The following THSD7A variants were observed in gnomAD, a reference collection of about 807,000 sequenced individuals.
The protein encoded by THSD7A is thrombospondin type-1 domain-containing protein 7A.
Under a neutral mutation model 231.3 loss-of-function variants are expected in THSD7A, and 96 were observed. The observed-to-expected ratio is 0.41, with a 90% CI of 0.35 to 0.49. The LOEUF (loss-of-function observed/expected upper bound fraction) is 0.49. THSD7A is among the 20% of genes least tolerant of loss of function. The pLI, the probability that THSD7A is intolerant of heterozygous loss-of-function variation, is 0.05. For missense variants in THSD7A, 2,290 were observed against 2,070.2 expected (o/e 1.11, Z -2.06); for synonymous variants, 940 against 743.3 (o/e 1.26, Z -4.30).
intron 1 of THSD7A, among the ~76,000 whole-genome samples, chr7:11,670,620 A>T (rs144832753): frequency 4.5e-4 from 69 of 152,332 alleles, no homozygotes; most frequent in Non-Finnish European, 8.5e-4. Context: ...TACCAAAGAC[A>T]TGATGGCTAA....
intron 4 of THSD7A, among the ~76,000 whole-genome samples, chr7:11,561,277 G>A (rs1443683861): frequency 6.6e-6 from 1 of 152,098 alleles, no homozygotes; most frequent in East Asian, 1.9e-4. Flanking sequence ...AATGAGGGTT[G>A]TTAATATAAT....
intron 2 of THSD7A, among the ~76,000 whole-genome samples, chr7:11,596,556 G>A (rs1048852502): frequency 3.9e-5 from 6 of 152,138 alleles, no homozygotes; most frequent in African/African-American, 1.4e-4. Flanking sequence ...AGGCCAAACG[G>A]AAGCCATTAG....
chr7:11,519,074 T>C (rs1562678842), intron 6 of THSD7A, among the ~76,000 whole-genome samples: 1 of 152,212 alleles, frequency 6.6e-6, no homozygotes, highest in Non-Finnish European at 1.5e-5. Flanking sequence ...TTCCATTTTC[T>C]AGATAAATGA....
At chr7:11,684,267 A>G (rs1696978929) in intron 1 of THSD7A, among the ~76,000 whole-genome samples, 1 of 151,998 alleles carries the variant, frequency 6.6e-6, no homozygotes. Context: ...ACAAACTCAC[A>G]GCAAATACCA....
At chr7:11,447,128 C>T in intron 12 of THSD7A, 102 bp downstream of exon 12, 1 of 1,057,746 alleles carries the variant, frequency 9.5e-7, no homozygotes, top group East Asian at 2.6e-5. Context: ...AATCCATTGG[C>T]ATATTATTTT....
chr7:11,740,541 C>G (rs927856016), intron 1 of THSD7A, among the ~76,000 whole-genome samples: 29 of 151,940 alleles, frequency 1.9e-4, no homozygotes, highest in African/African-American at 6.5e-4. Context: ...TGCTGAGCTT[C>G]TTTTCCCCCT....
chr7:11,698,383 T>C (rs1780467154), intron 1 of THSD7A, among the ~76,000 whole-genome samples: 1 of 151,334 alleles, frequency 6.6e-6, no homozygotes, highest in Admixed American at 6.6e-5. Context: ...GGTATTTCAT[T>C]TCAGCTTTCA....
chr7:11,701,010 C>G (rs1780581689), intron 1 of THSD7A, among the ~76,000 whole-genome samples: 1 of 151,084 alleles, frequency 6.6e-6, no homozygotes, highest in African/African-American at 2.4e-5. Flanking sequence ...TCTTTGTATA[C>G]TAGTTTAAAA....
chr7:11,570,439 CTT>C (rs780056796), intron 4 of THSD7A, among the ~76,000 whole-genome samples: 4 of 152,014 alleles, frequency 2.6e-5, no homozygotes, highest in Non-Finnish European at 4.4e-5. Flanking sequence ...AGTTGGGTGA[CTT>C]TAGTTAATAA....
chr7:11,809,117 T>A (rs1784466300), intron 1 of THSD7A, among the ~76,000 whole-genome samples: 1 of 152,178 alleles, frequency 6.6e-6, no homozygotes. Context: ...TAATACATGT[T>A]GAGTTAACAA....
chr7:11,540,553 T>G (rs932671702), intron 6 of THSD7A, among the ~76,000 whole-genome samples: 1 of 152,202 alleles, frequency 6.6e-6, no homozygotes, highest in African/African-American at 2.4e-5. Flanking sequence ...TTAGCACTCA[T>G]GCTTCTCTGA....
At chr7:11,591,758 C>T (rs1040216925) in intron 3 of THSD7A, among the ~76,000 whole-genome samples, 2 of 152,026 alleles carry the variant, frequency 1.3e-5, no homozygotes, top group East Asian at 1.9e-4. Context: ...TATAGAAACA[C>T]GAATAATTGA....
chr7:11,550,505 G>T (rs902952907), intron 4 of THSD7A, among the ~76,000 whole-genome samples: 1 of 152,138 alleles, frequency 6.6e-6, no homozygotes, highest in South Asian at 2.1e-4. Flanking sequence ...TCTCATGATA[G>T]TGAGTTCTCA....
At chr7:11,827,738 A>T (rs554220786) in intron 1 of THSD7A, among the ~76,000 whole-genome samples, 1 of 152,278 alleles carries the variant, frequency 6.6e-6, no homozygotes, top group South Asian at 2.1e-4. Context: ...AAACTGAGTC[A>T]CCCATTCACT....
At chr7:11,597,194 G>C (rs2128343046) in intron 2 of THSD7A, among the ~76,000 whole-genome samples, 1 of 152,314 alleles carries the variant, frequency 6.6e-6, no homozygotes, top group African/African-American at 2.4e-5. Flanking sequence ...TTCTACCTCA[G>C]TAAAATTTCT....
At chr7:11,577,663 T>A (rs1194228428) in intron 4 of THSD7A, among the ~76,000 whole-genome samples, 1 of 151,046 alleles carries the variant, frequency 6.6e-6, no homozygotes, top group Admixed American at 6.7e-5. Context: ...ATTATTATTT[T>A]AACAACAAGG....
intron 6 of THSD7A, among the ~76,000 whole-genome samples, chr7:11,508,344 TA>T (rs1453236504): frequency 3.9e-5 from 6 of 151,964 alleles, no homozygotes; most frequent in African/African-American, 1.5e-4. Context: ...AATCATCAGG[TA>T]AATGCATATA....
chr7:11,621,518 T>G (rs1781310673), intron 2 of THSD7A, among the ~76,000 whole-genome samples: 1 of 152,116 alleles, frequency 6.6e-6, no homozygotes, highest in Non-Finnish European at 1.5e-5. Context: ...TTTACCTTAC[T>G]TTTTTTCTCT....
intron 1 of THSD7A, among the ~76,000 whole-genome samples, chr7:11,665,404 A>T (rs894792329): frequency 4.6e-5 from 7 of 152,122 alleles, no homozygotes; most frequent in African/African-American, 1.7e-4. Context: ...TGAGACCTAA[A>T]ACCCCAGAGG....
Sources: gnomAD v4.1 joint callset for allele counts (sites outside exome capture counted in the v4.1 genomes callset) on GRCh38, gnomAD v4.1.1 for gene constraint, MANE v1.5 for transcripts, NCBI Gene and HGNC (gene_info 2026-07-23, HGNC 2026-07-21) for gene names.